Variants in CASK observed in about 807,000 individuals in gnomAD.
CASK encodes the protein calcium/calmodulin dependent serine protein kinase.
CASK carries 4 observed loss-of-function variants against 82.9 expected under a neutral mutation model. That is an observed-to-expected ratio of 0.05 (90% CI 0.02 to 0.11). The LOEUF (loss-of-function observed/expected upper bound fraction) is 0.11. CASK is among the 10% of genes least tolerant of loss of function. The pLI, the probability that CASK is intolerant of heterozygous loss-of-function variation, is 1.00. For synonymous variants in CASK, 259 were observed against 253.5 expected (o/e 1.02, Z -0.20); for missense variants, 358 against 720.9 (o/e 0.50, Z 5.76).
chrX:41,596,540 G>A (rs1010436547), intron 12 of CASK, among the ~76,000 whole-genome samples: 1 of 112,352 alleles, frequency 8.9e-6, no homozygotes, highest in African/African-American at 3.2e-5. Context: ...AAGCTGAGGT[G>A]TGAAGGGGGA....
At chrX:41,639,987 C>G (rs1386060241) in intron 8 of CASK, among the ~76,000 whole-genome samples, 1 of 111,089 alleles carries the variant, frequency 9.0e-6, no homozygotes, top group Admixed American at 9.7e-5. Flanking sequence ...GCTGATGGAC[C>G]CTGAGTTGTT....
chrX:41,852,602 T>A (rs2071285879), intron 2 of CASK, among the ~76,000 whole-genome samples: 1 of 111,683 alleles, frequency 9.0e-6, no homozygotes, highest in African/African-American at 3.2e-5. Context: ...TTTTAAGTCC[T>A]GAAAGTCCTA....
chrX:41,823,785 C>T lies in CASK; in HGVS notation c.172+29330G>A, dbSNP rs1393681338. On this transcript the variant is annotated intron_variant, in intron 2 of 26. Transcript: ENST00000378163. ...CATCCTTTCTTTAAATTTAGGTGTT[C>T]GTCAGGATCATTCCTCATGACCATT... Among the ~76,000 whole-genome samples the T allele has an allele frequency of 2.7e-5, 3 of 111,144 alleles. No homozygotes were observed. The Admixed American group carries it at 2.9e-4, about 11-fold the overall frequency.
intron 22 of CASK, among the ~76,000 whole-genome samples, chrX:41,535,761 T>C (rs2064865702): frequency 8.9e-6 from 1 of 111,947 alleles, no homozygotes. Context: ...CTCTAATCAC[T>C]ACAGACTGAG....
At chrX:41,546,730 G>A (rs1159882352) in intron 21 of CASK, among the ~76,000 whole-genome samples, 1 of 109,949 alleles carries the variant, frequency 9.1e-6, no homozygotes. Context: ...CGCCCACCTC[G>A]GCCTCCCAAA....
chrX:41,857,720 A>C (rs2071398252), intron 1 of CASK, among the ~76,000 whole-genome samples: 2 of 112,387 alleles, frequency 1.8e-5, no homozygotes, highest in African/African-American at 3.2e-5. Flanking sequence ...CCCAGAATTT[A>C]AATCATAAGG....
intron 1 of CASK, among the ~76,000 whole-genome samples, chrX:41,876,728 C>G (rs1394196311): frequency 8.9e-6 from 1 of 112,210 alleles, no homozygotes; most frequent in Non-Finnish European, 1.9e-5. Context: ...GAATTTAACA[C>G]TGCATATTGA....
At chrX:41,628,528 C>T (rs1318087737) in intron 9 of CASK, among the ~76,000 whole-genome samples, 1 of 111,681 alleles carries the variant, frequency 9.0e-6, no homozygotes, top group Non-Finnish European at 1.9e-5. Flanking sequence ...TGGTCCTGAA[C>T]TCCTGCGCTC....
intron 1 of CASK, among the ~76,000 whole-genome samples, chrX:41,901,183 T>C (rs746573941): frequency 8.9e-6 from 1 of 112,300 alleles, no homozygotes; most frequent in Admixed American, 9.4e-5. Flanking sequence ...GTCTGCACAT[T>C]TTACAAAGCA....
At chrX:41,565,385 TA>T (rs2065295912) in intron 16 of CASK, among the ~76,000 whole-genome samples, 1 of 111,083 alleles carries the variant, frequency 9.0e-6, no homozygotes, top group African/African-American at 3.3e-5. Flanking sequence ...TAGATGCAAT[TA>T]AAAATGATAA....
chrX:41,878,288 T>C (rs766740164), intron 1 of CASK, among the ~76,000 whole-genome samples: 1 of 111,376 alleles, frequency 9.0e-6, no homozygotes, highest in Non-Finnish European at 1.9e-5. Context: ...TTTTCAAAGA[T>C]AAAATGAGGA....
At chrX:41,632,716 A>G (rs1255294878) in intron 9 of CASK, among the ~76,000 whole-genome samples, 3 of 111,930 alleles carry the variant, frequency 2.7e-5, no homozygotes, top group Non-Finnish European at 5.6e-5. Context: ...AACACAAGTG[A>G]CCAATCAGTA....
chrX:41,615,866 A>C (rs2066186586), intron 11 of CASK, among the ~76,000 whole-genome samples: 1 of 111,541 alleles, frequency 9.0e-6, no homozygotes, highest in Admixed American at 9.5e-5. Flanking sequence ...GGCTCAAGTG[A>C]TCCGCCTGCC....
chrX:41,597,903 C>A (rs950965851), intron 12 of CASK, among the ~76,000 whole-genome samples: 2 of 110,407 alleles, frequency 1.8e-5, no homozygotes, highest in Non-Finnish European at 3.8e-5. Flanking sequence ...CCTTGGGAGG[C>A]CAAGGTGGGC....
chrX:41,657,866 GCAGCCTCTAGGCAGCTT>G (rs747345366), intron 8 of CASK, among the ~76,000 whole-genome samples: 13 of 111,548 alleles, frequency 1.2e-4, no homozygotes, highest in Middle Eastern at 4.6e-3. Context: ...CTGATGGCTG[GCAGCCTCTAGGCAGCTT>G]CAGGATGGGG....
In CASK at chrX:41,829,734, T is replaced by TAC. The variant is rs1265245044; in HGVS notation, c.172+23380_172+23381insGT. 1.4e-3 allele frequency among the ~76,000 whole-genome samples: 41 copies of TAC among 29,665 alleles called. 4 individuals carry two copies. Among genetic ancestry groups the TAC allele is most frequent in the South Asian group, 3.9e-3 (2 of 516 alleles). The allele number at this position is 29,665 out of a possible 115,157, so 25.8% of individuals were successfully genotyped here. On this transcript the variant is annotated intron_variant, in intron 2 of 26. Coordinates refer to ENST00000378163, the MANE Select transcript of CASK (RefSeq NM_001367721.1). ...ATATATATATATATATATATATATA[T>TAC]ATATATATATATATATATATATGTC...
chrX:41,852,532 C>T (rs952035727), intron 2 of CASK, among the ~76,000 whole-genome samples: 7 of 111,327 alleles, frequency 6.3e-5, no homozygotes, highest in Non-Finnish European at 1.3e-4. Flanking sequence ...AAAATGTTTA[C>T]GTACTGTTTA....
intron 2 of CASK, among the ~76,000 whole-genome samples, chrX:41,796,031 C>T (rs1329652406): frequency 9.0e-6 from 1 of 111,642 alleles, no homozygotes; most frequent in African/African-American, 3.3e-5. Flanking sequence ...GTTGAAAGTC[C>T]TGGGTTCTGA....
chrX:41,579,998 A>G lies in CASK; in HGVS notation c.1315-1470T>C, dbSNP rs372831986. 2.6e-4 allele frequency among the ~76,000 whole-genome samples: 29 copies of G among 111,664 alleles called. No individual in the cohort carries two copies. The East Asian group carries it at 4.8e-3, about 18-fold the overall frequency. ...ACTGGGATTTGGGTGAGGAGCACCAAGGGGCACTAAGCAATATATAGCTTG... is the reference window on the plus strand; with the variant it reads ...ACTGGGATTTGGGTGAGGAGCACCAGGGGGCACTAAGCAATATATAGCTTG... On this transcript the variant is annotated intron_variant, in intron 14 of 26. Coordinates refer to ENST00000378163, the MANE Select transcript of CASK (RefSeq NM_001367721.1).
Sources: allele counts gnomAD v4.1 joint callset (sites outside exome capture counted in the v4.1 genomes callset), GRCh38; gene constraint gnomAD v4.1.1; transcripts MANE v1.5; gene names NCBI Gene and HGNC (gene_info 2026-07-23, HGNC 2026-07-21).